FUT6: variants seen among roughly 807,000 people sequenced by gnomAD.
FUT6 encodes the protein fucosyltransferase 6.
For missense variants in FUT6, 454 were observed against 494.6 expected, an observed-to-expected ratio of 0.92 and a Z score of 0.78; for synonymous variants, 187 against 209.9, an observed-to-expected ratio of 0.89 and a Z score of 0.94.
chr19:5,833,262 C>T (rs189299112), intron 2 of FUT6, among the ~76,000 whole-genome samples: 154 of 152,056 alleles, frequency 1.0e-3, no homozygotes, highest in African/African-American at 3.5e-3. Context: ...TTTGGGAAGC[C>T]GAGGCGGGCA....
Position 5,832,139 on chromosome 19 carries a change from C to T in FUT6, c.429G>A (p.Trp143Ter). 1 of 1,613,934 alleles carries T rather than the reference C, an allele frequency of 6.2e-7. No individual in the cohort carries two copies. The highest frequency in any genetic ancestry group is 8.5e-7 in the Non-Finnish European group (1 of 1,180,018). The change falls in exon 3 of 3, where the codon TGG becomes TGA. Residue 143 changes from tryptophan (W) to a stop codon, truncating the protein, a stop_gained. Transcript: ENST00000318336. LOFTEE classifies it low-confidence loss of function (END_TRUNC). The surrounding 1 kb of genome is among the most constrained non-coding windows in gnomAD (Gnocchi z 4.3). Reference sequence around the variant, plus strand: ...AGTATCCGTCCATGGCTTTCAGCTGCCAGCAGTGGCTTGGGGACTCCATGC... The same window carrying T: ...AGTATCCGTCCATGGCTTTCAGCTGTCAGCAGTGGCTTGGGGACTCCATGC... ...WFSMESPSHC[W>*]QLKAMDGYFN...
rs768791784 is a variant in FUT6 at position 5,831,480 on chromosome 19, C to A, written c.*8G>T. 10 of 1,613,838 alleles carry A rather than the reference C, an allele frequency of 6.2e-6. No homozygotes were observed. Among genetic ancestry groups the A allele is most frequent in the South Asian group, 1.1e-5 (1 of 91,082 alleles). On this transcript the variant is annotated 3_prime_UTR_variant, in exon 3 of 3. Coordinates refer to ENST00000318336, the MANE Select transcript of FUT6 (RefSeq NM_000150.4). The surrounding 1 kb of genome is among the most constrained non-coding windows in gnomAD (Gnocchi z 7.0). ...GGTTCCTGGCAGCCCAGGCCCCACA[C>A]CAGCCTCTCAGGTGAACCAAGCCGC...
In FUT6 at chr19:5,832,857, C is replaced by T; in HGVS notation, c.-12-278G>A. 2.1e-6 allele frequency: 1 copy of T among 480,970 alleles called. No individual in the cohort carries two copies. The highest frequency in any genetic ancestry group is 3.8e-6 in the Non-Finnish European group (1 of 264,836). 29.8% of individuals were successfully genotyped at this position (480,970 alleles called of 1,614,324 possible). A position where few individuals can be genotyped will look rare whatever the true frequency, so the allele number is the denominator to read the frequency against. Reference sequence around the variant, plus strand: ...GAGAGGCCCCAAGGGCCCTCAGGTCCCACCTTGATCCTGTCCTTTTCTGGT... The same window carrying T: ...GAGAGGCCCCAAGGGCCCTCAGGTCTCACCTTGATCCTGTCCTTTTCTGGT... On this transcript the variant is annotated intron_variant, in intron 2 of 2. Coordinates refer to ENST00000318336, the MANE Select transcript of FUT6 (RefSeq NM_000150.4). The surrounding 1 kb of genome is among the most constrained non-coding windows in gnomAD (Gnocchi z 4.3).
chr19:5,830,944 T>G lies in FUT6; in HGVS notation c.*544A>C. ...TTTGCAGTATTACATCTGGAAACGG[T>G]GCGGTGATTATCTCTCTGCACCCCT... On this transcript the variant is annotated 3_prime_UTR_variant, in exon 3 of 3. Transcript: ENST00000318336. 2 of 318,336 alleles carry G rather than the reference T, an allele frequency of 6.3e-6. No individual in the cohort carries two copies. The highest frequency in any genetic ancestry group is 6.1e-6 in the Non-Finnish European group (1 of 165,058). The allele number at this position is 318,336 out of a possible 1,614,324, so 19.7% of individuals were successfully genotyped here.
chr19:5,832,326 G>A lies in FUT6; in HGVS notation c.242C>T (p.Ser81Leu). 1 of 1,614,086 alleles carries A rather than the reference G, an allele frequency of 6.2e-7. No homozygotes were observed. ...GTCAGCCGTGCCAGGCACCATCTCTGAGCAGCGGGGCAGAGCTATGGGTTT... is the reference window on the plus strand; with the variant it reads ...GTCAGCCGTGCCAGGCACCATCTCTAAGCAGCGGGGCAGAGCTATGGGTTT... Reference protein sequence around the residue: ...FNKPIALPRCSEMVPGTADCN... With the variant: ...FNKPIALPRCLEMVPGTADCN... The change falls in exon 3 of 3, where the codon TCA becomes TTA. Residue 81 changes from serine to leucine, a missense_variant. Coordinates refer to ENST00000318336, the MANE Select transcript of FUT6 (RefSeq NM_000150.4). The surrounding 1 kb of genome is among the most constrained non-coding windows in gnomAD (Gnocchi z 4.3).
chr19:5,834,097 A>T (rs1278194753), intron 2 of FUT6, among the ~76,000 whole-genome samples: 1 of 151,976 alleles, frequency 6.6e-6, no homozygotes, highest in African/African-American at 2.4e-5. Flanking sequence ...ACACCATTGC[A>T]CTCCAACCTG....
In FUT6 at chr19:5,832,470, TAGG is replaced by T; in HGVS notation, c.95_97del (p.Ser32del). On this transcript the variant is annotated inframe_deletion, in exon 3 of 3. Coordinates refer to ENST00000318336, the MANE Select transcript of FUT6 (RefSeq NM_000150.4). This position sits in a 1 kb window ranked among gnomAD's most constrained non-coding sequence, Gnocchi z 4.3. ...GGGATCGTCTTGAGACACACGCAGATAGGAGAAGAAACACACAGCCATCAGCAG... is the reference window on the plus strand; with the variant it reads ...GGGATCGTCTTGAGACACACGCAGATAGAAGAAACACACAGCCATCAGCAG... The T allele has an allele frequency of 6.2e-7, 1 of 1,613,602 alleles. No homozygotes were observed. Among genetic ancestry groups the T allele is most frequent in the Non-Finnish European group, 8.5e-7 (1 of 1,179,932 alleles).
chr19:5,834,352 C>T (rs925935029), intron 2 of FUT6: 2 of 152,548 alleles, frequency 1.3e-5, no homozygotes, highest in Non-Finnish European at 2.9e-5. Flanking sequence ...CATGGGGAAC[C>T]CCCAGGAGAG....
At chr19:5,836,206 A>ATTTTC (rs112868050) in intron 1 of FUT6, among the ~76,000 whole-genome samples, 15,478 of 121,568 alleles carry the variant, frequency 0.13, 1,580 homozygotes, top group African/African-American at 0.31. Flanking sequence ...GCTAATGTTA[A>ATTTTC]TTTTCTTTTC....
rs150572233 is a variant in FUT6 at position 5,831,504 on chromosome 19, G to A, written c.1064C>T (p.Ala355Val). The change falls in exon 3 of 3, where the codon GCG (alanine) becomes GTG (valine). Residue 355 changes from alanine to valine, a missense_variant. By Grantham distance (64) the Ala-to-Val change is moderately conservative. Transcript: ENST00000318336. This position sits in a 1 kb window ranked among gnomAD's most constrained non-coding sequence, Gnocchi z 7.0. ...EESRYQTRGI[A>V]AWFT ...ACCAGCCTCTCAGGTGAACCAAGCC[G>A]CTATGCCGCGTGTCTGGTACCTGGA... 2.9e-5 allele frequency: 47 copies of A among 1,614,042 alleles called. No individual in the cohort carries two copies. The South Asian group carries it at 4.3e-4, about 15-fold the overall frequency.
Position 5,838,900 on chromosome 19 carries a change from C to T in FUT6, c.-364G>A, listed in dbSNP as rs1325568109. ...TCCTTTGAAAACAAATCGTGGGGCT[C>T]CCCTAATCCCCGTTGCAGAACCAAA... On this transcript the variant is annotated 5_prime_UTR_variant, in exon 1 of 3. Coordinates refer to ENST00000318336, the MANE Select transcript of FUT6 (RefSeq NM_000150.4). 6.6e-6 allele frequency: 1 copy of T among 152,214 alleles called. No individual in the cohort carries two copies. Among genetic ancestry groups the T allele is most frequent in the Non-Finnish European group, 1.5e-5 (1 of 68,074 alleles). The allele number at this position is 152,214 out of a possible 1,614,324, so 9.4% of individuals were successfully genotyped here.
Position 5,832,610 on chromosome 19 carries a change from A to G in FUT6, c.-12-31T>C. 1 of 1,487,282 alleles carries G rather than the reference A, an allele frequency of 6.7e-7. No homozygotes were observed. The highest frequency in any genetic ancestry group is 2.3e-5 in the East Asian group (1 of 44,266). The allele number at this position is 1,487,282 out of a possible 1,614,324, so 92.1% of individuals were successfully genotyped here. A position where few individuals can be genotyped will look rare whatever the true frequency, so the allele number is the denominator to read the frequency against. ...AAGTGGGGAGAGAGGAGTGAGGGTC[A>G]TTGATGACAATCTCCTGCTTACCAA... On this transcript the variant is annotated intron_variant, in intron 2 of 2. Transcript: ENST00000318336. The surrounding 1 kb of genome is among the most constrained non-coding windows in gnomAD (Gnocchi z 4.3).
rs2057085810 is a variant in FUT6 at position 5,831,226 on chromosome 19, T to G, written c.*262A>C. On this transcript the variant is annotated 3_prime_UTR_variant, in exon 3 of 3. Coordinates refer to ENST00000318336, the MANE Select transcript of FUT6 (RefSeq NM_000150.4). The surrounding 1 kb of genome is among the most constrained non-coding windows in gnomAD (Gnocchi z 7.0). ...CAGGCCAGGCTTCCGCAGGGGACGC[T>G]CCTGGAAGCCAGCATGTGAAATCCC... The G allele has an allele frequency of 2.4e-6, 2 of 820,016 alleles. No individual in the cohort carries two copies. Among genetic ancestry groups the G allele is most frequent in the Admixed American group, 3.5e-5 (2 of 57,836 alleles). 50.8% of individuals were successfully genotyped at this position (820,016 alleles called of 1,614,324 possible). A position where few individuals can be genotyped will look rare whatever the true frequency, so the allele number is the denominator to read the frequency against.
At chr19:5,838,167 A>T (rs769514210) in intron 1 of FUT6, 1 of 152,050 alleles carries the variant, frequency 6.6e-6, no homozygotes, top group Non-Finnish European at 1.5e-5. Flanking sequence ...CAGGAGAGAG[A>T]TCTCACCCAA....
At chr19:5,838,542 C>CT (rs1288754969) in intron 1 of FUT6, 135 bp downstream of exon 1, 2 of 152,396 alleles carry the variant, frequency 1.3e-5, no homozygotes, top group Non-Finnish European at 2.9e-5. Flanking sequence ...CCCCAGGGAT[C>CT]TTGTGCCAGC....
At position 5,834,930 on chromosome 19, in the gene FUT6, C is replaced by T. The variant is rs2057159703; in HGVS notation, c.-13+20G>A. On this transcript the variant is annotated intron_variant, in intron 2 of 2. Transcript: ENST00000318336. ...GTGAGACTTGGAGGCTGGGAGGGAC[C>T]CTTGGACCATGATAAGGACCTGCTG... The T allele has an allele frequency of 6.6e-6, 1 of 152,260 alleles. No homozygotes were observed. The highest frequency in any genetic ancestry group is 2.4e-5 in the African/African-American group (1 of 41,400). The allele number at this position is 152,260 out of a possible 1,614,324, so 9.4% of individuals were successfully genotyped here. A position where few individuals can be genotyped will look rare whatever the true frequency, so the allele number is the denominator to read the frequency against.
chr19:5,837,172 G>T (rs1409693364), intron 1 of FUT6, among the ~76,000 whole-genome samples: 1 of 151,736 alleles, frequency 6.6e-6, no homozygotes, highest in Non-Finnish European at 1.5e-5. Flanking sequence ...CAAGTAGCTG[G>T]GATTACAGGC....
intron 1 of FUT6, among the ~76,000 whole-genome samples, chr19:5,836,638 G>A (rs1315816666): frequency 6.6e-6 from 1 of 152,156 alleles, no homozygotes; most frequent in East Asian, 1.9e-4. Flanking sequence ...AGACCAGCCT[G>A]AGCAGCATAG....
At chr19:5,838,270 T>C (rs1177902794) in intron 1 of FUT6, 1 of 152,092 alleles carries the variant, frequency 6.6e-6, no homozygotes, top group African/African-American at 2.4e-5. Flanking sequence ...AAGCCCTCTT[T>C]TACCACCGGG....
Sources: gnomAD v4.1 joint callset for allele counts (sites outside exome capture counted in the v4.1 genomes callset) on GRCh38, gnomAD v4.1.1 for gene constraint, Gnocchi (gnomAD v3.1) non-coding constraint, MANE v1.5 for transcripts, NCBI Gene and HGNC (gene_info 2026-07-23, HGNC 2026-07-21) for gene names.